The following BTD variants were observed in gnomAD, a reference collection of about 807,000 sequenced individuals.
BTD encodes biocytinase.
A neutral mutation model predicts 17.7 loss-of-function variants in BTD; 13 were observed. The ratio of observed to expected loss-of-function variants is 0.74; its 90% confidence interval spans 0.48 to 1.17. The LOEUF is 1.17. Among genes scored for constraint, BTD ranks in the 50% most tolerant of loss-of-function variants. The probability of loss-of-function intolerance (pLI) is 0.00; values close to 1 mark genes in which losing one functional copy is unlikely to be tolerated. For synonymous variants in BTD, 240 were observed against 245.2 expected (o/e 0.98, Z 0.20); for missense variants, 674 against 650.4 (o/e 1.04, Z -0.39).
chr3:15,713,209 T>TA (rs1453913135), downstream of BTD, among the ~76,000 whole-genome samples: 4 of 152,104 alleles, frequency 2.6e-5, no homozygotes, highest in African/African-American at 9.7e-5. Flanking sequence ...ATCTGGCACA[T>TA]ACAGCTTTCT....
At chr3:15,710,999 T>TTC (rs144820494) in exon 4 of BTD, among the ~76,000 whole-genome samples, 201 of 151,140 alleles carry the variant, frequency 1.3e-3, no homozygotes, top group African/African-American at 4.2e-3. Flanking sequence ...TGTAGGTTTA[T>TTC]TCTCTCTCTC....
At chr3:15,671,184 A>G (rs2066297854) in intron 3 of BTD, among the ~76,000 whole-genome samples, 2 of 152,312 alleles carry the variant, frequency 1.3e-5, no homozygotes, top group Admixed American at 6.5e-5. Context: ...ATCAAAACAA[A>G]TATTTCCTTT....
rs1036133088 is a variant in BTD, at chr3:15,635,490, G to C, written c.51G>C (p.Val17=). The change falls in exon 2 of 4, where the codon GTG becomes GTC. Residue 17 remains valine (V), a synonymous_variant. Coordinates refer to ENST00000643237, the MANE Select transcript of BTD (RefSeq NM_001370658.1). The surrounding 1 kb of genome is among the most constrained non-coding windows in gnomAD (Gnocchi z 4.1). Reference sequence around the variant, plus strand: ...CTCTTTTCCTCTGCGGCTGTTACGTGGTTGCCCTGGGAGCCCACACCGGGG... The same window carrying C: ...CTCTTTTCCTCTGCGGCTGTTACGTCGTTGCCCTGGGAGCCCACACCGGGG... ...KLALFLCGCY[V]VALGAHTGEE... 1 of 1,614,108 alleles carries C rather than the reference G, an allele frequency of 6.2e-7. No homozygotes were observed. The highest frequency in any genetic ancestry group is 8.5e-7 in the Non-Finnish European group (1 of 1,180,048).
Position 15,677,651 on chromosome 3 carries a change from G to A in BTD, c.400-32409G>A. ...CACTGTAGAGAAATGAAGATACAAA[G>A]CAAAAAAGTCCCTCTCACAAAAACT... On this transcript the variant is annotated intron_variant, in intron 3 of 3. Coordinates refer to the BTD transcript ENST00000672141. 8.5e-6 allele frequency: 8 copies of A among 936,160 alleles called. No individual in the cohort carries two copies. In the Admixed American group the frequency reaches 1.1e-4, roughly 12 times the overall value. The allele number at this position is 936,160 out of a possible 1,614,324, so 58.0% of individuals were successfully genotyped here.
chr3:15,666,985 T>C (rs1428090972), intron 3 of BTD, among the ~76,000 whole-genome samples: 1 of 152,246 alleles, frequency 6.6e-6, no homozygotes, highest in Non-Finnish European at 1.5e-5. Context: ...ATGAAATTAA[T>C]TGTAAGCTCC....
intron 1 of BTD, among the ~76,000 whole-genome samples, chr3:15,603,256 C>T (rs1442096311): frequency 2.6e-5 from 4 of 152,220 alleles, no homozygotes; most frequent in Admixed American, 6.5e-5. Flanking sequence ...GCCTTCCCAA[C>T]AGTCCCCCAA....
At chr3:15,616,471 C>A (rs2064795714) in intron 1 of BTD, among the ~76,000 whole-genome samples, 1 of 151,974 alleles carries the variant, frequency 6.6e-6, no homozygotes, top group South Asian at 2.1e-4. Context: ...CAAAAATTAG[C>A]CGGTCGTGGT....
chr3:15,666,292 G>C (rs879446251), intron 3 of BTD, among the ~76,000 whole-genome samples: 1 of 152,204 alleles, frequency 6.6e-6, no homozygotes, highest in African/African-American at 2.4e-5. Flanking sequence ...CAGATTGCAC[G>C]TCAGCAGTCA....
intron 1 of BTD, among the ~76,000 whole-genome samples, chr3:15,625,207 C>T (rs1025131174): frequency 1.3e-5 from 2 of 152,150 alleles, no homozygotes; most frequent in African/African-American, 4.8e-5. Flanking sequence ...TTTAGGGAGC[C>T]TGTGTTTATG....
Position 15,644,330 on chromosome 3 carries a change from G to C in BTD, c.414G>C (p.Leu138=). 6.2e-7 allele frequency: 1 copy of C among 1,613,938 alleles called. No individual in the cohort carries two copies. The highest frequency in any genetic ancestry group is 8.5e-7 in the Non-Finnish European group (1 of 1,179,956). Residue 138 remains leucine, a synonymous_variant, in exon 4 of 4, where the codon CTG becomes CTC. Coordinates refer to ENST00000643237, the MANE Select transcript of BTD (RefSeq NM_001370658.1). ...TTTTCCTCTAGGTGCTCCAGCGCCT[G>C]AGTTGTATGGCCATCAGGGGAGATA... is the stretch of plus-strand genomic sequence containing the variant. The part of the protein sequence containing the change: ...RFNDTEVLQR[L]SCMAIRGDMF...
chr3:15,630,934 A>G (rs1021350236), intron 1 of BTD, among the ~76,000 whole-genome samples: 2 of 152,214 alleles, frequency 1.3e-5, no homozygotes, highest in African/African-American at 4.8e-5. Context: ...GCTCATGACC[A>G]GCACACTCAG....
intron 3 of BTD, among the ~76,000 whole-genome samples, chr3:15,696,585 T>C (rs1409128981): frequency 6.6e-6 from 1 of 152,034 alleles, no homozygotes; most frequent in African/African-American, 2.4e-5. Flanking sequence ...AAACTTTTCG[T>C]GGTGGTGAGT....
intron 4 of BTD, among the ~76,000 whole-genome samples, chr3:15,719,205 G>A (rs2073421871): frequency 6.6e-6 from 1 of 152,088 alleles, no homozygotes; most frequent in Admixed American, 6.6e-5. Flanking sequence ...TTAAAGCAAT[G>A]GCCTAATTAC....
chr3:15,699,697 G>A (rs934974480), intron 3 of BTD, among the ~76,000 whole-genome samples: 12 of 152,140 alleles, frequency 7.9e-5, no homozygotes, highest in South Asian at 2.1e-4. Context: ...ACTATCTCAC[G>A]CCAGTTAGAA....
chr3:15,605,050 G>C (rs2064404415), intron 1 of BTD, among the ~76,000 whole-genome samples: 1 of 152,146 alleles, frequency 6.6e-6, no homozygotes, highest in South Asian at 2.1e-4. Context: ...CAGTTACCCA[G>C]TTCCAAAGTT....
At chr3:15,607,324 A>C (rs986532535) in intron 1 of BTD, among the ~76,000 whole-genome samples, 10 of 152,232 alleles carry the variant, frequency 6.6e-5, no homozygotes, top group Non-Finnish European at 1.3e-4. Context: ...AGAGCTAGTC[A>C]TCAAAGAATC....
At chr3:15,696,175 G>C (rs1382182705) in intron 3 of BTD, 3 of 1,593,798 alleles carry the variant, frequency 1.9e-6, no homozygotes, top group Non-Finnish European at 2.6e-6. Flanking sequence ...GCTGAATAAT[G>C]AACTGCGTTG....
downstream of BTD, among the ~76,000 whole-genome samples, chr3:15,654,839 A>G (rs1003378757): frequency 5.3e-5 from 8 of 152,088 alleles, no homozygotes; most frequent in African/African-American, 1.9e-4. Context: ...GGTTCAAGCA[A>G]TTCTCCTGCC....
chr3:15,682,023 C>G (rs1471687768), intron 3 of BTD, among the ~76,000 whole-genome samples: 1 of 152,018 alleles, frequency 6.6e-6, no homozygotes, highest in Non-Finnish European at 1.5e-5. Context: ...TTAAGAGCCC[C>G]TCATTCTCCA....
Sources: allele counts gnomAD v4.1 joint callset (sites outside exome capture counted in the v4.1 genomes callset), GRCh38; gene constraint gnomAD v4.1.1; non-coding constraint Gnocchi (gnomAD v3.1); transcripts MANE v1.5; gene names NCBI Gene and HGNC (gene_info 2026-07-23, HGNC 2026-07-21).